Variants in ARHGAP35 observed in about 807,000 individuals in gnomAD.
ARHGAP35 encodes rho GTPase-activating protein 35.
Under a neutral mutation model 111.1 loss-of-function variants are expected in ARHGAP35, and 15 were observed. That is an observed-to-expected ratio of 0.13 (90% CI 0.09 to 0.21). The LOEUF (loss-of-function observed/expected upper bound fraction) is 0.21. Ranked by LOEUF, ARHGAP35 falls within the 10% of genes least tolerant of loss-of-function variation. The pLI is 1.00. For synonymous variants in ARHGAP35, 643 were observed against 710.3 expected (o/e 0.91, Z 1.51); for missense variants, 1,262 against 1,873.0 (o/e 0.67, Z 6.02).
At chr19:46,929,617 TACATAAAACA>T (rs2056260045) in intron 2 of ARHGAP35, among the ~76,000 whole-genome samples, 1 of 139,734 alleles carries the variant, frequency 7.2e-6, no homozygotes, top group East Asian at 2.0e-4. Context: ...TTTTTTTTTT[TACATAAAACA>T]TTAACGCCGG....
At chr19:46,905,564 C>G (rs1054177393) in intron 1 of ARHGAP35, among the ~76,000 whole-genome samples, 15 of 148,360 alleles carry the variant, frequency 1.0e-4, no homozygotes, top group Admixed American at 5.4e-4. Context: ...CACCCCCCCC[C>G]CCCAAGACAG....
At chr19:46,916,185 C>T (rs1045270041) in intron 1 of ARHGAP35, among the ~76,000 whole-genome samples, 4 of 152,008 alleles carry the variant, frequency 2.6e-5, no homozygotes, top group African/African-American at 9.7e-5. Context: ...GCATCCGCCT[C>T]GGCCTCCCAA....
chr19:46,896,581 G>T (rs974637430), intron 1 of ARHGAP35, among the ~76,000 whole-genome samples: 3 of 152,166 alleles, frequency 2.0e-5, no homozygotes, highest in African/African-American at 7.2e-5. Flanking sequence ...GAAAGCTCAC[G>T]CTGTGCAGCA....
intron 1 of ARHGAP35, among the ~76,000 whole-genome samples, chr19:46,868,078 G>A (rs1599789326): frequency 1.3e-5 from 2 of 152,214 alleles, no homozygotes; most frequent in East Asian, 3.9e-4. Context: ...ATGTTGGCCA[G>A]CCTGGTCTCG....
At chr19:46,940,373 A>C (rs1196271355) in intron 3 of ARHGAP35, among the ~76,000 whole-genome samples, 2 of 151,464 alleles carry the variant, frequency 1.3e-5, no homozygotes, top group East Asian at 3.9e-4. Context: ...AAAAAAAAAA[A>C]AAAAATTAGC....
rs992873176 is a variant in ARHGAP35 at position 46,908,114 on chromosome 19, C to T, written c.-188-10374C>T. On this transcript the variant is annotated intron_variant, in intron 1 of 6. Transcript: ENST00000672722. This position sits in a 1 kb window ranked among gnomAD's most constrained non-coding sequence, Gnocchi z 4.2. The stretch of plus-strand genomic sequence containing the variant: ...AGGCACATTTGGCTGGACGCAGCCT[C>T]CACTCTTCTTGCGTCAGGGACATTT... 2.6e-5 allele frequency among the ~76,000 whole-genome samples: 4 copies of T among 152,136 alleles called. No individual in the cohort carries two copies. Among genetic ancestry groups the T allele is most frequent in the African/African-American group, 9.7e-5 (4 of 41,422 alleles).
chr19:46,956,273 G>A (rs2056438659), intron 3 of ARHGAP35, among the ~76,000 whole-genome samples: 1 of 152,116 alleles, frequency 6.6e-6, no homozygotes, highest in Admixed American at 6.5e-5. Context: ...AGCTGAGATT[G>A]CACCATTGCA....
At position 46,934,140 on chromosome 19, in the gene ARHGAP35, T is replaced by C. The variant is rs368141297; in HGVS notation, c.3682-3124T>C. Among the ~76,000 whole-genome samples, 20 of 152,346 alleles carry C rather than the reference T, an allele frequency of 1.3e-4. No homozygotes were observed. In the East Asian group the frequency reaches 1.3e-3, roughly 10 times the overall value. The stretch of plus-strand genomic sequence containing the variant: ...GTAGGATTTGAGATTGTTAAAAACT[T>C]CAATGATAGAAGATGGATGAATGTG... On this transcript the variant is annotated intron_variant, in intron 2 of 6. Coordinates refer to ENST00000672722, the MANE Select transcript of ARHGAP35 (RefSeq NM_004491.5).
At position 46,908,637 on chromosome 19, in the gene ARHGAP35, T is replaced by G. The variant is rs1277224277; in HGVS notation, c.-188-9851T>G. On this transcript the variant is annotated intron_variant, in intron 1 of 6. Transcript: ENST00000672722. This position sits in a 1 kb window ranked among gnomAD's most constrained non-coding sequence, Gnocchi z 4.2. ...CCATAGTTACCTGGTAGAAAGCTGC[T>G]AAGGATAAAGCTTAAGGAAGTACTT... 6.6e-6 allele frequency among the ~76,000 whole-genome samples: 1 copy of G among 152,206 alleles called. No individual in the cohort carries two copies. The highest frequency in any genetic ancestry group is 1.5e-5 in the Non-Finnish European group (1 of 68,042).
intron 1 of ARHGAP35, among the ~76,000 whole-genome samples, chr19:46,913,240 G>C (rs1856912051): frequency 6.7e-6 from 1 of 149,902 alleles, no homozygotes; most frequent in South Asian, 2.2e-4. Context: ...TTCGGGGAGA[G>C]AGGGATGAGG....
intron 3 of ARHGAP35, among the ~76,000 whole-genome samples, chr19:46,970,902 T>C (rs989992877): frequency 6.6e-6 from 1 of 152,164 alleles, no homozygotes; most frequent in Non-Finnish European, 1.5e-5. Flanking sequence ...AGCTTCCCTG[T>C]GAGTCCATGG....
chr19:46,884,056 A>G (rs966432446), intron 1 of ARHGAP35, among the ~76,000 whole-genome samples: 2 of 152,206 alleles, frequency 1.3e-5, no homozygotes, highest in African/African-American at 2.4e-5. Context: ...CTCCATCTCA[A>G]AAAAACATAG....
At chr19:46,995,147 T>C (rs1185173400) in intron 5 of ARHGAP35, among the ~76,000 whole-genome samples, 1 of 152,190 alleles carries the variant, frequency 6.6e-6, no homozygotes, top group Non-Finnish European at 1.5e-5. Flanking sequence ...CTGGGTACAG[T>C]GGCTCATACC....
At chr19:46,965,900 G>A (rs764218830) in intron 3 of ARHGAP35, among the ~76,000 whole-genome samples, 1 of 152,248 alleles carries the variant, frequency 6.6e-6, no homozygotes, top group African/African-American at 2.4e-5. Flanking sequence ...TTGAACACCT[G>A]TTATGTGTCA....
rs1322051502 is a variant in ARHGAP35 at position 46,918,640 on chromosome 19, C to T, written c.-36C>T. ...GGTCCATTGGAAACACTAATCTGAT[C>T]TCAGAAGTGGCTGATCGTGGCAGGA... On this transcript the variant is annotated 5_prime_UTR_variant, in exon 2 of 7. Coordinates refer to ENST00000672722, the MANE Select transcript of ARHGAP35 (RefSeq NM_004491.5). The surrounding 1 kb of genome is among the most constrained non-coding windows in gnomAD (Gnocchi z 5.4). The T allele has an allele frequency of 6.3e-7, 1 of 1,587,166 alleles. No homozygotes were observed. The highest frequency in any genetic ancestry group is 1.2e-5 in the South Asian group (1 of 85,840).
Position 46,908,864 on chromosome 19 carries a change from T to C in ARHGAP35, c.-188-9624T>C, listed in dbSNP as rs2056124123. Among the ~76,000 whole-genome samples the C allele has an allele frequency of 6.6e-6, 1 of 152,120 alleles. No homozygotes were observed. Among genetic ancestry groups the C allele is most frequent in the South Asian group, 2.1e-4 (1 of 4,824 alleles). ...ATGGTAAGGTAGCAACATAGTTCTG[T>C]ATTCCCACCCTGGAATTCAGAAGAA... is the stretch of plus-strand genomic sequence containing the variant. On this transcript the variant is annotated intron_variant, in intron 1 of 6. Transcript: ENST00000672722. The surrounding 1 kb of genome is among the most constrained non-coding windows in gnomAD (Gnocchi z 4.2).
chr19:46,980,883 A>AT, intron 3 of ARHGAP35, among the ~76,000 whole-genome samples: 1 of 152,182 alleles, frequency 6.6e-6, no homozygotes, highest in Non-Finnish European at 1.5e-5. Context: ...CTAAGATCTC[A>AT]TTAAATACAT....
chr19:46,879,587 A>AAATAAATAAAT (rs2055946961), intron 1 of ARHGAP35, among the ~76,000 whole-genome samples: 19 of 87,724 alleles, frequency 2.2e-4, no homozygotes, highest in African/African-American at 4.8e-4. Flanking sequence ...ACTCCATCTC[A>AAATAAATAAAT]AAATAAATAA....
At chr19:46,879,461 C>A (rs2055945791) in intron 1 of ARHGAP35, among the ~76,000 whole-genome samples, 1 of 151,980 alleles carries the variant, frequency 6.6e-6, no homozygotes, top group Non-Finnish European at 1.5e-5. Flanking sequence ...GTGACACATG[C>A]CTGTAATCCC....
Sources: allele counts gnomAD v4.1 joint callset (sites outside exome capture counted in the v4.1 genomes callset), GRCh38; gene constraint gnomAD v4.1.1; non-coding constraint Gnocchi (gnomAD v3.1); transcripts MANE v1.5; gene names NCBI Gene and HGNC (gene_info 2026-07-23, HGNC 2026-07-21).